Variants in TAFA1 observed in about 807,000 individuals in gnomAD.
TAFA1 encodes TAFA chemokine like family member 1, also known as chemokine-like protein TAFA-1.
A neutral mutation model predicts 18.5 loss-of-function variants in TAFA1; 4 were observed. The ratio of observed to expected loss-of-function variants is 0.22; its 90% CI spans 0.11 to 0.49. The LOEUF (loss-of-function observed/expected upper bound fraction) is 0.49. Ranked by LOEUF, TAFA1 falls within the 20% of genes least tolerant of loss-of-function variation. The pLI is 0.98. For missense variants in TAFA1, 147 were observed against 169.0 expected (o/e 0.87, Z 0.72); for synonymous variants, 56 against 55.2 (o/e 1.01, Z -0.06).
chr3:68,488,610 A>C (rs1401718283), intron 3 of TAFA1, among the ~76,000 whole-genome samples: 1 of 152,184 alleles, frequency 6.6e-6, no homozygotes, highest in African/African-American at 2.4e-5. Context: ...AAATTCCTCA[A>C]ATTCCCTAGG....
At chr3:68,338,917 A>G (rs945046750) in intron 2 of TAFA1, among the ~76,000 whole-genome samples, 8 of 152,206 alleles carry the variant, frequency 5.3e-5, no homozygotes, top group African/African-American at 1.9e-4. Context: ...AGTACAGGCC[A>G]AGTTTTTCCT....
Position 68,464,125 on chromosome 3 carries a change from A to C in TAFA1, c.259+46705A>C, listed in dbSNP as rs140277576. Among the ~76,000 whole-genome samples the C allele has an allele frequency of 4.8e-3, 730 of 152,306 alleles. 8 individuals are homozygous for C. Among genetic ancestry groups the C allele is most frequent in the African/African-American group, 0.017 (705 of 41,568 alleles). Reference sequence around the variant, plus strand: ...TAGCCAAGCAGGGAAGAATACTTCCAGCATAGCCCAACTTTCTGTTCATCA... The same window carrying C: ...TAGCCAAGCAGGGAAGAATACTTCCCGCATAGCCCAACTTTCTGTTCATCA... On this transcript the variant is annotated intron_variant, in intron 3 of 4. Transcript: ENST00000478136.
intron 2 of TAFA1, among the ~76,000 whole-genome samples, chr3:68,278,513 G>T (rs2067835520): frequency 6.6e-6 from 1 of 152,028 alleles, no homozygotes; most frequent in Non-Finnish European, 1.5e-5. Context: ...TAAGAATTTT[G>T]ATTTCCTCAT....
At chr3:68,386,264 A>G (rs887348801) in intron 2 of TAFA1, among the ~76,000 whole-genome samples, 5 of 152,204 alleles carry the variant, frequency 3.3e-5, no homozygotes, top group African/African-American at 4.8e-5. Flanking sequence ...CCTACAACTA[A>G]CAAATGACAC....
chr3:68,512,705 T>C (rs1050130938), intron 3 of TAFA1, among the ~76,000 whole-genome samples: 7 of 151,916 alleles, frequency 4.6e-5, no homozygotes, highest in African/African-American at 1.2e-4. Context: ...TGTTTGTTTG[T>C]TTGTTTGTTT....
chr3:68,329,340 A>G (rs1484771891), intron 2 of TAFA1, among the ~76,000 whole-genome samples: 1 of 150,024 alleles, frequency 6.7e-6, no homozygotes, highest in East Asian at 2.0e-4. Flanking sequence ...TGCTGGGATT[A>G]CAGATGTGAG....
intron 2 of TAFA1, among the ~76,000 whole-genome samples, chr3:68,220,857 G>A (rs543641763): frequency 3.2e-4 from 49 of 150,818 alleles, no homozygotes; most frequent in African/African-American, 1.1e-3. Context: ...AGCATCCCTC[G>A]GTGCATGGTT....
chr3:68,054,242 A>G (rs1313097537), intron 2 of TAFA1, among the ~76,000 whole-genome samples: 1 of 152,104 alleles, frequency 6.6e-6, no homozygotes, highest in Non-Finnish European at 1.5e-5. Flanking sequence ...TTGTGAGTAG[A>G]TGAATGTCTT....
At chr3:68,086,899 T>C (rs1013456647) in intron 2 of TAFA1, among the ~76,000 whole-genome samples, 2 of 152,218 alleles carry the variant, frequency 1.3e-5, no homozygotes, top group African/African-American at 2.4e-5. Context: ...CCATTGAGGT[T>C]AACATAGGAT....
chr3:68,387,220 C>G (rs942478153), intron 2 of TAFA1, among the ~76,000 whole-genome samples: 7 of 152,058 alleles, frequency 4.6e-5, no homozygotes, highest in African/African-American at 1.7e-4. Flanking sequence ...TAAATCCAGA[C>G]ATTGTACTTT....
chr3:68,454,492 C>A (rs1302861020), intron 3 of TAFA1, among the ~76,000 whole-genome samples: 1 of 152,104 alleles, frequency 6.6e-6, no homozygotes, highest in Non-Finnish European at 1.5e-5. Context: ...TTTGATATAG[C>A]CCAGAGCTCT....
chr3:68,543,383 C>T (rs527635339), intron 4 of TAFA1, among the ~76,000 whole-genome samples: 1 of 152,220 alleles, frequency 6.6e-6, no homozygotes, highest in Admixed American at 6.6e-5. Flanking sequence ...TCTTGGGAAG[C>T]AGCAAACCAC....
At chr3:68,425,350 C>CT (rs1475750135) in intron 3 of TAFA1, among the ~76,000 whole-genome samples, 1 of 151,862 alleles carries the variant, frequency 6.6e-6, no homozygotes, top group East Asian at 1.9e-4. Context: ...TTGCTTTGTT[C>CT]TTTTTAAACA....
chr3:68,457,164 A>T (rs1192910238), intron 3 of TAFA1, among the ~76,000 whole-genome samples: 2 of 152,216 alleles, frequency 1.3e-5, no homozygotes, highest in South Asian at 4.1e-4. Flanking sequence ...ACAAAATTAC[A>T]TGGTAGTATA....
At chr3:68,006,792 AT>A in intron 2 of TAFA1, 48 bp downstream of exon 2, 1 of 1,311,364 alleles carries the variant, frequency 7.6e-7, no homozygotes, top group Non-Finnish European at 1.1e-6. Context: ...TCTTACCACT[AT>A]TTCCTTAACA....
At chr3:68,322,276 A>T (rs1398421278) in intron 2 of TAFA1, among the ~76,000 whole-genome samples, 1 of 152,160 alleles carries the variant, frequency 6.6e-6, no homozygotes, top group African/African-American at 2.4e-5. Flanking sequence ...CATACTCATT[A>T]AATTATTTAA....
intron 2 of TAFA1, among the ~76,000 whole-genome samples, chr3:68,290,465 T>C (rs1167824398): frequency 6.6e-6 from 1 of 152,122 alleles, no homozygotes; most frequent in African/African-American, 2.4e-5. Flanking sequence ...TTCCCCCATG[T>C]CATAATAATT....
chr3:68,141,050 C>T (rs975345427), intron 2 of TAFA1, among the ~76,000 whole-genome samples: 1 of 152,140 alleles, frequency 6.6e-6, no homozygotes, highest in African/African-American at 2.4e-5. Flanking sequence ...TTCTGCTTGC[C>T]TATGAGGTTG....
rs546131476 is a variant in TAFA1 at position 68,105,955 on chromosome 3, A to C, written c.118+99211A>C. 2.6e-5 allele frequency among the ~76,000 whole-genome samples: 4 copies of C among 152,284 alleles called. No homozygotes were observed. In the East Asian group the frequency reaches 7.7e-4, roughly 29 times the overall value. On this transcript the variant is annotated intron_variant, in intron 2 of 4. Transcript: ENST00000478136. ...AGAGACAGCCTACTGTAGGTAATGC[A>C]AGTGTTGCTTGGTAAATTTGATGAG...
Sources: allele counts gnomAD v4.1 joint callset (sites outside exome capture counted in the v4.1 genomes callset), GRCh38; gene constraint gnomAD v4.1.1; transcripts MANE v1.5; gene names NCBI Gene and HGNC (gene_info 2026-07-23, HGNC 2026-07-21).